Variants in RBFOX1 observed in about 807,000 individuals in gnomAD.
RBFOX1 encodes the protein RNA binding fox-1 homolog 1.
A neutral mutation model predicts 57.7 loss-of-function variants in RBFOX1; 8 were observed. The ratio of observed to expected loss-of-function variants is 0.14; its 90% CI spans 0.08 to 0.25. The LOEUF is 0.25. Among genes scored for constraint, RBFOX1 ranks in the 10% least tolerant of loss-of-function variants. The pLI, the probability that RBFOX1 is intolerant of heterozygous loss-of-function variation, is 1.00. For missense variants in RBFOX1, 611 were observed against 548.5 expected, an observed-to-expected ratio of 1.11 and a Z score of -1.14; for synonymous variants, 326 against 222.4, an observed-to-expected ratio of 1.47 and a Z score of -4.15.
At chr16:6,761,379 T>C (rs2076573839) in intron 3 of RBFOX1, among the ~76,000 whole-genome samples, 1 of 152,100 alleles carries the variant, frequency 6.6e-6, no homozygotes. Flanking sequence ...CATTTAGTCT[T>C]TGCATCTCTT....
intron 4 of RBFOX1, among the ~76,000 whole-genome samples, chr16:7,353,486 T>A (rs2097163039): frequency 2.0e-5 from 3 of 152,180 alleles, no homozygotes; most frequent in Admixed American, 2.0e-4. Context: ...TAAAAACATA[T>A]GTGTACACAA....
chr16:7,639,521 T>A (rs1256127243), intron 11 of RBFOX1, among the ~76,000 whole-genome samples: 1 of 152,144 alleles, frequency 6.6e-6, no homozygotes, highest in Non-Finnish European at 1.5e-5. Flanking sequence ...CAATTCTACA[T>A]CCTGAAAATA....
intron 4 of RBFOX1, among the ~76,000 whole-genome samples, chr16:5,933,937 C>G (rs973430856): frequency 6.6e-6 from 1 of 152,086 alleles, no homozygotes; most frequent in East Asian, 1.9e-4. Flanking sequence ...CTGTTCCTCT[C>G]CCTCCTCCCA....
chr16:5,935,572 A>T (rs2059151984), intron 4 of RBFOX1, among the ~76,000 whole-genome samples: 1 of 152,052 alleles, frequency 6.6e-6, no homozygotes, highest in Non-Finnish European at 1.5e-5. Context: ...TAGTTGGGGG[A>T]TCTGGGTTCT....
chr16:5,563,897 T>G (rs1365839542), intron 2 of RBFOX1, among the ~76,000 whole-genome samples: 1 of 152,206 alleles, frequency 6.6e-6, no homozygotes, highest in East Asian at 1.9e-4. Flanking sequence ...TACCATCATT[T>G]ATTTTCTTAA....
chr16:6,648,579 C>T (rs909278949), intron 2 of RBFOX1, among the ~76,000 whole-genome samples: 1 of 152,174 alleles, frequency 6.6e-6, no homozygotes, highest in African/African-American at 2.4e-5. Flanking sequence ...CTTCAGCCTT[C>T]AGTCCACTGC....
chr16:5,494,263 C>T (rs2042928290), intron 2 of RBFOX1, among the ~76,000 whole-genome samples: 1 of 152,220 alleles, frequency 6.6e-6, no homozygotes, highest in African/African-American at 2.4e-5. Context: ...AAAGTCTAGA[C>T]ATTCGGATTC....
chr16:7,149,761 A>G (rs2075763003), intron 4 of RBFOX1, among the ~76,000 whole-genome samples: 1 of 151,832 alleles, frequency 6.6e-6, no homozygotes, highest in Non-Finnish European at 1.5e-5. Context: ...CCCCATTCTG[A>G]CAACTGTAGC....
chr16:5,406,076 C>G (rs34055573), intron 1 of RBFOX1, among the ~76,000 whole-genome samples: 19,776 of 152,176 alleles, frequency 0.13, 1,500 homozygotes, highest in Non-Finnish European at 0.17. Flanking sequence ...CAAAGGCATT[C>G]CAACTTATGT....
At chr16:6,238,570 T>G (rs2152921791) in intron 1 of RBFOX1, among the ~76,000 whole-genome samples, 1 of 152,296 alleles carries the variant, frequency 6.6e-6, no homozygotes, top group African/African-American at 2.4e-5. Flanking sequence ...AAGTATGTAT[T>G]AGTGATTCTC....
chr16:7,074,406 A>G (rs970764205), intron 4 of RBFOX1, among the ~76,000 whole-genome samples: 5 of 152,126 alleles, frequency 3.3e-5, no homozygotes, highest in African/African-American at 9.7e-5. Flanking sequence ...CAAAAGCTGC[A>G]ATTATTTTGC....
intron 2 of RBFOX1, among the ~76,000 whole-genome samples, chr16:6,373,992 C>G (rs2090846338): frequency 6.6e-6 from 1 of 152,294 alleles, no homozygotes; most frequent in Non-Finnish European, 1.5e-5. Flanking sequence ...TCTTTGCATT[C>G]TCCATAGTGC....
intron 4 of RBFOX1, among the ~76,000 whole-genome samples, chr16:7,341,695 C>T (rs1025311478): frequency 2.7e-5 from 4 of 149,208 alleles, no homozygotes; most frequent in Non-Finnish European, 4.5e-5. Context: ...ATGGTCCTAC[C>T]TTCCTTCCTT....
chr16:6,025,329 C>G (rs971361476), intron 1 of RBFOX1, among the ~76,000 whole-genome samples: 1 of 152,138 alleles, frequency 6.6e-6, no homozygotes, highest in Non-Finnish European at 1.5e-5. Flanking sequence ...GTAGGGCTTA[C>G]ACTAAAATCT....
At chr16:6,926,347 T>C (rs1380182932) in intron 3 of RBFOX1, among the ~76,000 whole-genome samples, 1 of 152,062 alleles carries the variant, frequency 6.6e-6, no homozygotes, top group Admixed American at 6.6e-5. Flanking sequence ...TGGCAGTGAC[T>C]GGGTACACAG....
At chr16:7,301,099 C>T (rs909250146) in intron 4 of RBFOX1, among the ~76,000 whole-genome samples, 1 of 152,104 alleles carries the variant, frequency 6.6e-6, no homozygotes, top group African/African-American at 2.4e-5. Flanking sequence ...TTCAAATTTG[C>T]TATCCCCAGA....
Position 5,946,846 on chromosome 16 carries a change from C to T in RBFOX1, c.351+79511C>T, listed in dbSNP as rs1597905670. Among the ~76,000 whole-genome samples the T allele has an allele frequency of 6.6e-6, 1 of 152,090 alleles. No individual in the cohort carries two copies. Reference sequence around the variant, plus strand: ...GTGATGGCAGAGATTTGGAGCATTGCTTGGTGTGAAATAAAACCCAACACA... The same window carrying T: ...GTGATGGCAGAGATTTGGAGCATTGTTTGGTGTGAAATAAAACCCAACACA... On this transcript the variant is annotated intron_variant, in intron 4 of 19. Transcript: ENST00000641259. This position sits in a 1 kb window ranked among gnomAD's most constrained non-coding sequence, Gnocchi z 4.6.
At chr16:6,100,762 G>C (rs780161037) in intron 1 of RBFOX1, among the ~76,000 whole-genome samples, 1 of 152,132 alleles carries the variant, frequency 6.6e-6, no homozygotes, top group Non-Finnish European at 1.5e-5. Flanking sequence ...AACTTGCCCA[G>C]GTTAACAGTG....
Position 6,426,442 on chromosome 16 carries a change from C to T in RBFOX1, c.-64+109385C>T, listed in dbSNP as rs1251278482. On this transcript the variant is annotated intron_variant, in intron 2 of 15. Transcript: ENST00000550418. ...GAGGGGAAAGAGATAATCTAGGAGT[C>T]GGAGAAAGGCAGGGTAGGTTTTGAA... 4.0e-5 allele frequency among the ~76,000 whole-genome samples: 6 copies of T among 151,850 alleles called. No homozygotes were observed. In the East Asian group the frequency reaches 5.8e-4, roughly 15 times the overall value.
Sources: gnomAD v4.1 joint callset for allele counts (sites outside exome capture counted in the v4.1 genomes callset) on GRCh38, gnomAD v4.1.1 for gene constraint, Gnocchi (gnomAD v3.1) non-coding constraint, MANE v1.5 for transcripts, NCBI Gene and HGNC (gene_info 2026-07-23, HGNC 2026-07-21) for gene names.